ZNF493: variants seen among roughly 807,000 people sequenced by gnomAD.
The protein encoded by ZNF493 is zinc finger protein 493.
A neutral mutation model predicts 12.2 loss-of-function variants in ZNF493; 11 were observed. The ratio of observed to expected loss-of-function variants is 0.90; its 90% CI spans 0.57 to 1.50. ZNF493 has a LOEUF of 1.50. ZNF493 is among the 40% of genes most tolerant of loss of function. The probability of loss-of-function intolerance (pLI) is 0.00; values close to 1 mark genes in which losing one functional copy is unlikely to be tolerated. For missense variants in ZNF493, 950 were observed against 906.6 expected, an observed-to-expected ratio of 1.05 and a Z score of -0.61; for synonymous variants, 286 against 302.6, an observed-to-expected ratio of 0.95 and a Z score of 0.57.
intron 3 of ZNF493, among the ~76,000 whole-genome samples, chr19:21,410,310 A>G (rs535802499): frequency 1.3e-5 from 2 of 152,156 alleles, no homozygotes; most frequent in Admixed American, 1.3e-4. Context: ...TAATGATTGT[A>G]TCTTTGTTTT....
At chr19:21,418,927 A>G (rs544486231) in intron 3 of ZNF493, among the ~76,000 whole-genome samples, 1 of 152,278 alleles carries the variant, frequency 6.6e-6, no homozygotes, top group South Asian at 2.1e-4. Context: ...CGTTATGGCC[A>G]TCATGAACAT....
At chr19:21,411,197 A>G (rs1167793271) in intron 3 of ZNF493, among the ~76,000 whole-genome samples, 1 of 152,204 alleles carries the variant, frequency 6.6e-6, no homozygotes, top group Non-Finnish European at 1.5e-5. Flanking sequence ...TGAGAAAATT[A>G]TCTTTTCTGT....
intron 3 of ZNF493, chr19:21,407,947 A>C: frequency 2.0e-6 from 2 of 985,180 alleles, no homozygotes; most frequent in Non-Finnish European, 2.4e-6. Flanking sequence ...TTATAAGCTG[A>C]TTTCAGGAGG....
rs761874522 is a variant in ZNF493, at chr19:21,424,118, A to C, written c.1459A>C (p.Lys487Gln). ...ACATAGGATAATTCATACTGAAGAGAAACCCTACAAATGTGAAGAATGTGG... is the reference window on the plus strand; with the variant it reads ...ACATAGGATAATTCATACTGAAGAGCAACCCTACAAATGTGAAGAATGTGG... Reference protein sequence around the residue: ...TKHRIIHTEEKPYKCEECGKA... With the variant: ...TKHRIIHTEEQPYKCEECGKA... The change falls in exon 4 of 4, where the codon AAA becomes CAA. Residue 487 changes from lysine (K) to glutamine (Q), a missense_variant. Physicochemically the swap from Lys to Gln is moderately conservative, Grantham distance 53. Coordinates refer to ENST00000392288, the MANE Select transcript of ZNF493 (RefSeq NM_001076678.3). The C allele has an allele frequency of 3.1e-6, 5 of 1,613,730 alleles. No homozygotes were observed. The Admixed American group carries it at 8.3e-5, about 27-fold the overall frequency.
intron 1 of ZNF493, chr19:21,398,822 T>G (rs553427480): frequency 9.5e-5 from 16 of 168,604 alleles, no homozygotes; most frequent in South Asian, 4.2e-4. Context: ...AAATAATTTC[T>G]GCCCCCTGGA....
At chr19:21,402,532 A>G (rs1422923755) in intron 1 of ZNF493, among the ~76,000 whole-genome samples, 1 of 152,172 alleles carries the variant, frequency 6.6e-6, no homozygotes, top group Non-Finnish European at 1.5e-5. Flanking sequence ...ACACCCAAGA[A>G]TGCAGAGTCA....
intron 1 of ZNF493, chr19:21,398,467 G>A: frequency 4.8e-6 from 1 of 206,572 alleles, no homozygotes; most frequent in Non-Finnish European, 9.6e-6. Flanking sequence ...GAAAATCTAT[G>A]GGGTGATGTG....
At chr19:21,406,825 A>C (rs2030146819) in intron 3 of ZNF493, among the ~76,000 whole-genome samples, 1 of 152,112 alleles carries the variant, frequency 6.6e-6, no homozygotes, top group Non-Finnish European at 1.5e-5. Context: ...ACTATAAGAA[A>C]AAAATGCCAC....
intron 1 of ZNF493, 52 bp downstream of exon 1, chr19:21,397,319 C>G: frequency 6.2e-7 from 1 of 1,610,914 alleles, no homozygotes; most frequent in Non-Finnish European, 8.5e-7. Context: ...TTGCTCGGAA[C>G]CGGTGGGAAG....
At chr19:21,411,292 ATCT>A (rs1202045190) in intron 3 of ZNF493, among the ~76,000 whole-genome samples, 1 of 152,034 alleles carries the variant, frequency 6.6e-6, no homozygotes, top group African/African-American at 2.4e-5. Context: ...CTGTTCTTTC[ATCT>A]TTTTATCTTT....
chr19:21,404,360 C>T (rs1174282052), intron 1 of ZNF493, among the ~76,000 whole-genome samples: 6 of 152,288 alleles, frequency 3.9e-5, no homozygotes, highest in Middle Eastern at 3.4e-3. Context: ...AACATTTGTC[C>T]TAATGCAGTT....
chr19:21,406,273 C>T (rs1237473915), intron 3 of ZNF493, among the ~76,000 whole-genome samples: 1 of 151,378 alleles, frequency 6.6e-6, no homozygotes. Context: ...ATACCATCAC[C>T]AAATCTGTCC....
At position 21,405,824 on chromosome 19, in the gene ZNF493, T is replaced by A; in HGVS notation, c.221T>A (p.Met74Lys). The A allele has an allele frequency of 6.3e-7, 1 of 1,593,766 alleles. No individual in the cohort carries two copies. The highest frequency in any genetic ancestry group is 8.5e-7 in the Non-Finnish European group (1 of 1,172,310). ...CLEQGKDPWN[M>K]KGHSTVVKPP... is the part of the protein sequence containing the mutation. The stretch of plus-strand genomic sequence containing the variant: ...GAGCAAGGAAAAGATCCCTGGAATA[T>A]GAAGGGACACAGTACGGTAGTCAAA... Residue 74 changes from methionine to lysine, a missense_variant, in exon 3 of 4, where the codon ATG (methionine) becomes AAG (lysine). Coordinates refer to ENST00000392288, the MANE Select transcript of ZNF493 (RefSeq NM_001076678.3).
chr19:21,421,679 A>G (rs2030682331), intron 3 of ZNF493, among the ~76,000 whole-genome samples: 1 of 151,926 alleles, frequency 6.6e-6, no homozygotes, highest in Non-Finnish European at 1.5e-5. Context: ...GTAATCTTTT[A>G]TAAAAATTTG....
chr19:21,409,606 G>C (rs1055672852), intron 3 of ZNF493, among the ~76,000 whole-genome samples: 1 of 152,030 alleles, frequency 6.6e-6, no homozygotes, highest in African/African-American at 2.4e-5. Flanking sequence ...ATAGCCAGGC[G>C]TGGTGGTATG....
At position 21,424,868 on chromosome 19, in the gene ZNF493, G is replaced by A. The variant is rs151159046; in HGVS notation, c.2209G>A (p.Gly737Arg). 244 of 1,613,360 alleles carry A rather than the reference G, an allele frequency of 1.5e-4. No individual in the cohort carries two copies. The African/African-American group carries it at 3.0e-3, about 20-fold the overall frequency. The change falls in exon 4 of 4, where the codon GGA becomes AGA. Residue 737 changes from glycine (G) to arginine (R), a missense_variant. By Grantham distance (125) the Gly-to-Arg change is moderately radical. Transcript: ENST00000392288. Reference protein sequence around the residue: ...NLIKHKLIHTGDKPYKCEACG... With the variant: ...NLIKHKLIHTRDKPYKCEACG... ...TATTAAACATAAGCTAATTCATACTGGAGACAAACCCTACAAATGTGAAGC... is the reference window on the plus strand; with the variant it reads ...TATTAAACATAAGCTAATTCATACTAGAGACAAACCCTACAAATGTGAAGC...
chr19:21,412,472 A>G (rs932764119), intron 3 of ZNF493: 2 of 155,146 alleles, frequency 1.3e-5, no homozygotes, highest in African/African-American at 4.8e-5. Flanking sequence ...GATTTAGTTT[A>G]TGGCCAGTTT....
chr19:21,407,789 A>C, intron 3 of ZNF493: 1 of 985,090 alleles, frequency 1.0e-6, no homozygotes, highest in South Asian at 4.7e-5. Flanking sequence ...ATTTGTCTTC[A>C]GTTTCAATGG....
intron 3 of ZNF493, among the ~76,000 whole-genome samples, chr19:21,407,293 A>G (rs996484844): frequency 6.6e-6 from 1 of 151,740 alleles, no homozygotes; most frequent in Non-Finnish European, 1.5e-5. Flanking sequence ...AATTATTATT[A>G]TTATTTTTTT....
Sources: gnomAD v4.1 joint callset for allele counts (sites outside exome capture counted in the v4.1 genomes callset) on GRCh38, gnomAD v4.1.1 for gene constraint, MANE v1.5 for transcripts, NCBI Gene and HGNC (gene_info 2026-07-23, HGNC 2026-07-21) for gene names.